Variants in SLC10A7 observed in about 807,000 individuals in gnomAD.
SLC10A7 encodes the protein sodium/bile acid cotransporter 7.
Under a neutral mutation model 43.2 loss-of-function variants are expected in SLC10A7, and 29 were observed. That is an observed-to-expected ratio of 0.67 (90% confidence interval 0.50 to 0.92). SLC10A7 has a LOEUF of 0.92. Among genes scored for constraint, SLC10A7 ranks in the 40% least tolerant of loss-of-function variants. The pLI, the probability that SLC10A7 is intolerant of heterozygous loss-of-function variation, is 0.00. For missense variants in SLC10A7, 295 were observed against 403.2 expected (o/e 0.73, Z 2.30); for synonymous variants, 152 against 144.8 (o/e 1.05, Z -0.35).
chr4:146,342,447 A>G (rs183366031), intron 5 of SLC10A7, among the ~76,000 whole-genome samples: 1 of 151,918 alleles, frequency 6.6e-6, no homozygotes. Flanking sequence ...AAATAAGAAG[A>G]AATAAATATC....
chr4:146,381,281 G>T (rs149802873), intron 5 of SLC10A7, among the ~76,000 whole-genome samples: 1 of 152,098 alleles, frequency 6.6e-6, no homozygotes, highest in Non-Finnish European at 1.5e-5. Context: ...TTAAGTTGGG[G>T]CGGAAATATA....
Position 146,458,116 on chromosome 4 carries a change from G to T in SLC10A7, c.397-15295C>A, listed in dbSNP as rs199692440. 4.6e-5 allele frequency among the ~76,000 whole-genome samples: 7 copies of T among 151,710 alleles called. No homozygotes were observed. The East Asian group carries it at 1.4e-3, about 29-fold the overall frequency. ...AATTTAACCTAGCAATATATAAAAA[G>T]GATGATACAGTATGACAAAGTGGAG... is the stretch of plus-strand genomic sequence containing the variant. On this transcript the variant is annotated intron_variant, in intron 4 of 11. Transcript: ENST00000335472.
Position 146,489,980 on chromosome 4 carries a change from A to T in SLC10A7, c.396+13869T>A, listed in dbSNP as rs934459822. On this transcript the variant is annotated intron_variant, in intron 4 of 11. Transcript: ENST00000335472. ...GTTTTCAATCACAATTTGAAAATAA[A>T]TTTTTTTCAAGGGAGCTACATAATT... is the stretch of plus-strand genomic sequence containing the variant. Among the ~76,000 whole-genome samples, 6 of 151,798 alleles carry T rather than the reference A, an allele frequency of 4.0e-5. No homozygotes were observed. The East Asian group carries it at 5.8e-4, about 15-fold the overall frequency.
chr4:146,378,330 C>T (rs189541308), intron 5 of SLC10A7, among the ~76,000 whole-genome samples: 9 of 152,258 alleles, frequency 5.9e-5, no homozygotes, highest in Non-Finnish European at 1.3e-4. Flanking sequence ...GGGAGAATAA[C>T]GATAATGTTC....
At chr4:146,425,525 G>C (rs528940307) in intron 5 of SLC10A7, among the ~76,000 whole-genome samples, 1 of 152,030 alleles carries the variant, frequency 6.6e-6, no homozygotes, top group East Asian at 1.9e-4. Flanking sequence ...GTGGCTTGTG[G>C]ACACCATATT....
intron 5 of SLC10A7, among the ~76,000 whole-genome samples, chr4:146,355,560 A>C (rs1041670135): frequency 1.3e-5 from 2 of 151,744 alleles, no homozygotes; most frequent in African/African-American, 4.9e-5. Context: ...AATGACTATA[A>C]ATCATGCTGC....
Position 146,469,753 on chromosome 4 carries a change from C to T in SLC10A7, c.397-26932G>A, listed in dbSNP as rs1443735699. Among the ~76,000 whole-genome samples the T allele has an allele frequency of 4.6e-5, 7 of 152,054 alleles. No homozygotes were observed. In the East Asian group the frequency reaches 9.7e-4, roughly 21 times the overall value. ...AAGCAATCCTCCCACCGCAGCTTCC[C>T]GAGTAGTTTGGACCACAGGTGCATG... On this transcript the variant is annotated intron_variant, in intron 4 of 11. Coordinates refer to ENST00000335472, the MANE Select transcript of SLC10A7 (RefSeq NM_001029998.6).
intron 10 of SLC10A7, 79 bp downstream of exon 10, chr4:146,283,113 A>G: frequency 8.8e-7 from 1 of 1,132,420 alleles, no homozygotes. Flanking sequence ...TTTAATTTGA[A>G]GAGTTCTTTG....
intron 3 of SLC10A7, 102 bp from the exon 4 acceptor site, chr4:146,504,026 G>T: frequency 1.0e-6 from 1 of 1,003,270 alleles, no homozygotes; most frequent in Non-Finnish European, 1.5e-6. Context: ...TGAATATAAG[G>T]GCATATTTAT....
chr4:146,258,568 G>T, intron 11 of SLC10A7, 124 bp downstream of exon 11: 1 of 873,634 alleles, frequency 1.1e-6, no homozygotes, highest in Non-Finnish European at 1.7e-6. Flanking sequence ...TTGTATTTAA[G>T]TAAGAAAATA....
chr4:146,518,572 A>G (rs1258538071), intron 1 of SLC10A7, among the ~76,000 whole-genome samples: 2 of 152,124 alleles, frequency 1.3e-5, no homozygotes, highest in Admixed American at 6.5e-5. Flanking sequence ...CCCAAAATTC[A>G]TGCCCACCCA....
intron 4 of SLC10A7, among the ~76,000 whole-genome samples, chr4:146,493,417 G>A (rs1056051269): frequency 2.0e-5 from 3 of 151,180 alleles, no homozygotes; most frequent in African/African-American, 7.3e-5. Flanking sequence ...TGTTTATGTA[G>A]AACTGTTTAA....
chr4:146,336,413 C>A (rs1172055095), intron 5 of SLC10A7, among the ~76,000 whole-genome samples: 3 of 152,096 alleles, frequency 2.0e-5, no homozygotes, highest in African/African-American at 7.2e-5. Context: ...TTTAATGACC[C>A]ATTCTTTAAT....
At chr4:146,289,345 T>C (rs1239023172) in intron 9 of SLC10A7, among the ~76,000 whole-genome samples, 1 of 152,230 alleles carries the variant, frequency 6.6e-6, no homozygotes, top group Middle Eastern at 3.2e-3. Context: ...TGATCAGAAT[T>C]AAAACACATA....
chr4:146,497,323 C>G (rs1016629979), intron 4 of SLC10A7, among the ~76,000 whole-genome samples: 1 of 152,164 alleles, frequency 6.6e-6, no homozygotes, highest in African/African-American at 2.4e-5. Context: ...TGGTTTTAAA[C>G]ACAGATAACC....
chr4:146,315,102 C>G (rs1011344560), intron 6 of SLC10A7, among the ~76,000 whole-genome samples: 13 of 152,042 alleles, frequency 8.6e-5, no homozygotes, highest in Admixed American at 5.9e-4. Flanking sequence ...ACTACGGAGA[C>G]TGGTAGTCAT....
chr4:146,294,215 C>T (rs1037672079), intron 7 of SLC10A7, 120 bp from the exon 8 acceptor site: 1 of 731,770 alleles, frequency 1.4e-6, no homozygotes, highest in African/African-American at 1.8e-5. Context: ...TGGCTGATGG[C>T]CACAGTGGAT....
At chr4:146,343,327 G>A (rs758991203) in intron 5 of SLC10A7, among the ~76,000 whole-genome samples, 9 of 152,018 alleles carry the variant, frequency 5.9e-5, no homozygotes, top group Non-Finnish European at 1.2e-4. Context: ...AAAATAATAG[G>A]AAGTGAGGGC....
chr4:146,349,137 AT>A (rs1192103153), intron 5 of SLC10A7, among the ~76,000 whole-genome samples: 1 of 152,220 alleles, frequency 6.6e-6, no homozygotes, highest in African/African-American at 2.4e-5. Context: ...ATTCCAGCAT[AT>A]TTAAACACAT....
Sources: allele counts gnomAD v4.1 joint callset (sites outside exome capture counted in the v4.1 genomes callset), GRCh38; gene constraint gnomAD v4.1.1; transcripts MANE v1.5; gene names NCBI Gene and HGNC (gene_info 2026-07-23, HGNC 2026-07-21).